ROBO2: variants seen among roughly 807,000 people sequenced by gnomAD.
ROBO2 encodes the protein roundabout homolog 2.
A neutral mutation model predicts 160.8 loss-of-function variants in ROBO2; 53 were observed. The ratio of observed to expected loss-of-function variants is 0.33; its 90% CI spans 0.26 to 0.41. ROBO2 has a LOEUF of 0.41. Among genes scored for constraint, ROBO2 ranks in the 10% least tolerant of loss-of-function variants. The pLI, the probability that ROBO2 is intolerant of heterozygous loss-of-function variation, is 1.00. For synonymous variants in ROBO2, 664 were observed against 611.7 expected, an observed-to-expected ratio of 1.09 and a Z score of -1.26; for missense variants, 1,577 against 1,722.4, an observed-to-expected ratio of 0.92 and a Z score of 1.49.
At chr3:76,628,652 A>G (rs2089830115) in intron 2 of ROBO2, among the ~76,000 whole-genome samples, 1 of 152,100 alleles carries the variant, frequency 6.6e-6, no homozygotes, top group Admixed American at 6.6e-5. Context: ...GTTGTATCTA[A>G]TGTTATCTGA....
intron 24 of ROBO2, among the ~76,000 whole-genome samples, chr3:77,643,187 C>T (rs980160393): frequency 1.3e-5 from 2 of 152,146 alleles, no homozygotes; most frequent in African/African-American, 2.4e-5. Context: ...TTCATCTAAA[C>T]GGCTCAGTAG....
intron 2 of ROBO2, among the ~76,000 whole-genome samples, chr3:76,866,768 C>T (rs1031256376): frequency 2.0e-5 from 3 of 151,828 alleles, no homozygotes; most frequent in African/African-American, 7.3e-5. Context: ...AAATGAAAAA[C>T]GAGGATGACT....
At chr3:77,208,393 GTTTTC>G (rs547282691) in intron 2 of ROBO2, among the ~76,000 whole-genome samples, 41 of 152,228 alleles carry the variant, frequency 2.7e-4, no homozygotes, top group African/African-American at 9.6e-4. Flanking sequence ...ATAAATTTAT[GTTTTC>G]TTTTGTTTTA....
intron 2 of ROBO2, among the ~76,000 whole-genome samples, chr3:76,708,514 T>G (rs1047472973): frequency 2.0e-5 from 3 of 152,146 alleles, no homozygotes; most frequent in African/African-American, 4.8e-5. Flanking sequence ...AAACTTCAAG[T>G]AAAAACAACA....
At chr3:77,029,677 G>C (rs947582179) in intron 2 of ROBO2, among the ~76,000 whole-genome samples, 1 of 151,970 alleles carries the variant, frequency 6.6e-6, no homozygotes, top group Admixed American at 6.6e-5. Flanking sequence ...GATGTTCATG[G>C]TATAGAATTA....
At chr3:76,581,454 T>A (rs917015568) in intron 2 of ROBO2, among the ~76,000 whole-genome samples, 1 of 151,838 alleles carries the variant, frequency 6.6e-6, no homozygotes, top group Admixed American at 6.6e-5. Context: ...CTGGGCAACA[T>A]GGCGAGATGT....
In ROBO2 at chr3:77,395,566, C is replaced by A. The variant is rs535613827; in HGVS notation, c.389-81848C>A. ...TTGGATTAATCGAATGCCCAAGGTC[C>A]AGCCTGATATTAAGTAATTGCTATC... On this transcript the variant is annotated intron_variant, in intron 2 of 25. Transcript: ENST00000461745. Among the ~76,000 whole-genome samples the A allele has an allele frequency of 3.9e-5, 6 of 152,156 alleles. No homozygotes were observed. In the South Asian group the frequency reaches 1.0e-3, roughly 26 times the overall value.
At chr3:76,735,483 C>G (rs150747662) in intron 2 of ROBO2, among the ~76,000 whole-genome samples, 96 of 152,184 alleles carry the variant, frequency 6.3e-4, no homozygotes, top group Non-Finnish European at 1.1e-3. Flanking sequence ...CTGTTGGGGC[C>G]AGGCACAGTG....
At chr3:77,407,389 T>C (rs2076340536) in intron 2 of ROBO2, among the ~76,000 whole-genome samples, 1 of 152,204 alleles carries the variant, frequency 6.6e-6, no homozygotes, top group Non-Finnish European at 1.5e-5. Flanking sequence ...AAATTATGGT[T>C]CCAATTTACT....
intron 2 of ROBO2, among the ~76,000 whole-genome samples, chr3:76,651,241 C>T (rs569452662): frequency 1.3e-5 from 2 of 152,224 alleles, no homozygotes; most frequent in South Asian, 4.1e-4. Flanking sequence ...TCATCGCGGC[C>T]AGGATGACTC....
chr3:77,585,240 G>T (rs1341174067), intron 16 of ROBO2, among the ~76,000 whole-genome samples: 1 of 150,230 alleles, frequency 6.7e-6, no homozygotes, highest in Non-Finnish European at 1.5e-5. Context: ...TTATCTGTTT[G>T]CCAGATATTT....
intron 2 of ROBO2, among the ~76,000 whole-genome samples, chr3:76,555,356 G>GAGGAGGA (rs1387331301): frequency 3.3e-5 from 1 of 30,142 alleles, no homozygotes; most frequent in East Asian, 2.0e-3. Flanking sequence ...AGAGTAGGAA[G>GAGGAGGA]AGAGAAGAAG....
chr3:77,583,494 C>T (rs1256272644), intron 16 of ROBO2, among the ~76,000 whole-genome samples: 1 of 152,022 alleles, frequency 6.6e-6, no homozygotes, highest in African/African-American at 2.4e-5. Flanking sequence ...ATTACACTTT[C>T]CTGTTCTATA....
intron 2 of ROBO2, among the ~76,000 whole-genome samples, chr3:77,467,745 A>G (rs1422757646): frequency 6.7e-6 from 1 of 149,332 alleles, no homozygotes; most frequent in East Asian, 2.0e-4. Flanking sequence ...CTTAAAAAGC[A>G]CTAATATAAA....
intron 2 of ROBO2, among the ~76,000 whole-genome samples, chr3:75,955,871 T>C (rs923056108): frequency 2.0e-5 from 3 of 151,760 alleles, no homozygotes; most frequent in African/African-American, 7.2e-5. Context: ...GTGCCCTTTC[T>C]TAACCTTTGG....
intron 2 of ROBO2, among the ~76,000 whole-genome samples, chr3:77,375,689 G>A (rs1035824807): frequency 2.2e-4 from 33 of 152,138 alleles, no homozygotes; most frequent in Non-Finnish European, 2.9e-5. Flanking sequence ...TGTAAAACCC[G>A]AGGTTCTCAA....
intron 2 of ROBO2, among the ~76,000 whole-genome samples, chr3:76,426,242 G>A (rs1236619314): frequency 1.1e-4 from 17 of 152,162 alleles, no homozygotes. Flanking sequence ...CACTTTGACA[G>A]CATATATCCT....
chr3:76,955,805 GTAATCCCAGC>G (rs2079208513), intron 2 of ROBO2, among the ~76,000 whole-genome samples: 1 of 151,138 alleles, frequency 6.6e-6, no homozygotes, highest in Non-Finnish European at 1.5e-5. Context: ...GTGGGTGCCT[GTAATCCCAGC>G]TATTCAGGAG....
chr3:76,064,771 C>T (rs548437884), intron 2 of ROBO2, among the ~76,000 whole-genome samples: 6 of 152,068 alleles, frequency 3.9e-5, no homozygotes, highest in Non-Finnish European at 7.4e-5. Flanking sequence ...CTATTCAGGG[C>T]AACTTGAATC....
Sources: gnomAD v4.1 joint callset for allele counts (sites outside exome capture counted in the v4.1 genomes callset) on GRCh38, gnomAD v4.1.1 for gene constraint, MANE v1.5 for transcripts, NCBI Gene and HGNC (gene_info 2026-07-23, HGNC 2026-07-21) for gene names.